Variants in WDR49 observed in about 807,000 individuals in gnomAD.
The protein encoded by WDR49 is WD repeat domain 49, also known as cilia- and flagella-associated protein 337.
WDR49 carries 107 observed loss-of-function variants against 119.5 expected under a neutral mutation model. The ratio of observed to expected loss-of-function variants is 0.90; its 90% CI spans 0.77 to 1.05. WDR49 has a LOEUF of 1.05. Among genes scored for constraint, WDR49 ranks in the 50% least tolerant of loss-of-function variants. The pLI is 0.00. For synonymous variants in WDR49, 425 were observed against 418.8 expected (o/e 1.01, Z -0.18); for missense variants, 1,240 against 1,220.5 (o/e 1.02, Z -0.24).
chr3:167,536,223 T>A (rs951068657), intron 11 of WDR49, among the ~76,000 whole-genome samples: 1 of 152,094 alleles, frequency 6.6e-6, no homozygotes, highest in African/African-American at 2.4e-5. Flanking sequence ...GAAAAAAGAT[T>A]TTTTAATGTT....
intron 5 of WDR49, among the ~76,000 whole-genome samples, chr3:167,611,969 C>T (rs578083993): frequency 1.3e-5 from 2 of 152,302 alleles, no homozygotes; most frequent in South Asian, 4.1e-4. Flanking sequence ...TTAATCTACA[C>T]TATGGACCAA....
At chr3:167,511,347 G>A (rs145115823) in intron 16 of WDR49, among the ~76,000 whole-genome samples, 159 of 152,172 alleles carry the variant, frequency 1.0e-3, no homozygotes, top group Admixed American at 1.8e-3. Context: ...TTTTTGATGC[G>A]TTATTTTTTC....
intron 10 of WDR49, among the ~76,000 whole-genome samples, chr3:167,546,000 C>T (rs1226052075): frequency 6.6e-6 from 1 of 151,698 alleles, no homozygotes; most frequent in Non-Finnish European, 1.5e-5. Flanking sequence ...CTCATAGTAA[C>T]TTTATGTGTA....
At chr3:167,531,075 C>G (rs1560271152) in intron 13 of WDR49, 40 bp downstream of exon 13, 1 of 1,579,118 alleles carries the variant, frequency 6.3e-7, no homozygotes, top group Non-Finnish European at 8.6e-7. Context: ...CTTTATTGCT[C>G]CCTTTCCAAC....
intron 15 of WDR49, among the ~76,000 whole-genome samples, chr3:167,526,555 C>G (rs1033154137): frequency 7.2e-5 from 11 of 152,120 alleles, no homozygotes; most frequent in African/African-American, 2.7e-4. Context: ...TCATCACAAG[C>G]CTGTATGAGT....
rs779617589 is a variant in WDR49, at chr3:167,500,243, G to C, written c.2941C>G (p.Pro981Ala). 17 of 1,606,574 alleles carry C rather than the reference G, an allele frequency of 1.1e-5. No individual in the cohort carries two copies. The highest frequency in any genetic ancestry group is 1.2e-5 in the Non-Finnish European group (14 of 1,177,828). ...ALEELPEVNK[P>A]AFLLDPEKYF... ...TTCTCAGGGTCTAGAAGGAAAGCAGGTTTATTCACTTCAGGCAGCTCTTCC... is the reference window on the plus strand; with the variant it reads ...TTCTCAGGGTCTAGAAGGAAAGCAGCTTTATTCACTTCAGGCAGCTCTTCC... The change falls in exon 18 of 19, where the codon CCT becomes GCT. Residue 981 changes from proline (P) to alanine (A), a missense_variant. Coordinates refer to ENST00000682715, the MANE Select transcript of WDR49 (RefSeq NM_001366157.1).
chr3:167,591,177 G>C (rs1190492710), intron 7 of WDR49, among the ~76,000 whole-genome samples: 1 of 151,956 alleles, frequency 6.6e-6, no homozygotes, highest in Non-Finnish European at 1.5e-5. Flanking sequence ...TGGTCATTCA[G>C]GAGAATATTG....
At chr3:167,550,180 C>T (rs1436632723) in intron 10 of WDR49, among the ~76,000 whole-genome samples, 2 of 152,088 alleles carry the variant, frequency 1.3e-5, no homozygotes, top group Admixed American at 6.6e-5. Context: ...AATGCAGGCT[C>T]TTTTTTGGTT....
intron 15 of WDR49, among the ~76,000 whole-genome samples, chr3:167,527,230 T>C (rs1752668520): frequency 6.6e-6 from 1 of 152,136 alleles, no homozygotes; most frequent in African/African-American, 2.4e-5. Flanking sequence ...TGCCTCTGTT[T>C]CCTTATCTGT....
At chr3:167,593,597 A>G (rs571375186) in intron 7 of WDR49, among the ~76,000 whole-genome samples, 1 of 151,844 alleles carries the variant, frequency 6.6e-6, no homozygotes, top group African/African-American at 2.4e-5. Flanking sequence ...TTTCTCCAGG[A>G]TGTGTTATTG....
intron 11 of WDR49, among the ~76,000 whole-genome samples, 156 bp downstream of exon 11, chr3:167,536,712 CAT>C (rs57802270): frequency 0.019 from 2,612 of 136,798 alleles, 64 homozygotes; most frequent in African/African-American, 0.057. Flanking sequence ...TATACACACA[CAT>C]ATATATATAT....
intron 14 of WDR49, among the ~76,000 whole-genome samples, chr3:167,528,796 C>T (rs1325607717): frequency 6.6e-6 from 1 of 151,968 alleles, no homozygotes; most frequent in Non-Finnish European, 1.5e-5. Flanking sequence ...TGCTGCAGTG[C>T]TTTACTAACA....
At chr3:167,504,823 C>T (rs9833107) in intron 17 of WDR49, among the ~76,000 whole-genome samples, 20,913 of 151,928 alleles carry the variant, frequency 0.14, 1,994 homozygotes, top group East Asian at 0.4. Context: ...GGATCCCTCA[C>T]GGCTTGGTGC....
chr3:167,564,617 G>A (rs528351380), intron 8 of WDR49, among the ~76,000 whole-genome samples: 20 of 152,308 alleles, frequency 1.3e-4, no homozygotes, highest in Admixed American at 9.1e-4. Context: ...ACGGGGCCCT[G>A]ACAGTCTGCA....
chr3:167,646,862 C>T (rs377093848), intron 2 of WDR49, among the ~76,000 whole-genome samples: 5 of 152,060 alleles, frequency 3.3e-5, no homozygotes, highest in African/African-American at 4.8e-5. Context: ...ATCCATAGAA[C>T]GTTGGTGAGA....
chr3:167,575,841 C>T, intron 8 of WDR49, 77 bp downstream of exon 8: 1 of 1,454,888 alleles, frequency 6.9e-7, no homozygotes, highest in Non-Finnish European at 9.4e-7. Context: ...TTCATTTTAC[C>T]TTAAACTGAA....
intron 8 of WDR49, among the ~76,000 whole-genome samples, chr3:167,572,056 G>A (rs1340463908): frequency 6.6e-6 from 1 of 152,134 alleles, no homozygotes; most frequent in Admixed American, 6.5e-5. Flanking sequence ...AAATTCATGA[G>A]TGTTCTTTTG....
chr3:167,567,396 C>CT (rs1289590968), intron 8 of WDR49, among the ~76,000 whole-genome samples: 3 of 152,182 alleles, frequency 2.0e-5, no homozygotes, highest in Non-Finnish European at 4.4e-5. Flanking sequence ...CCATTCCCAC[C>CT]TTTTTTGCCA....
rs59424091 is a variant in WDR49 at position 167,585,391 on chromosome 3, CGTGTGTGT to C, written c.1276-9248_1276-9241del. On this transcript the variant is annotated intron_variant, in intron 7 of 18. Transcript: ENST00000682715. ...TAACCTAAGAGGTCTTAAAAGGGTG[CGTGTGTGT>C]GTGTGTGTGTGTGTGTGTGTGTGTG... Among the ~76,000 whole-genome samples, 963 of 137,486 alleles carry C rather than the reference CGTGTGTGT, an allele frequency of 7.0e-3. 15 individuals carry two copies. Among genetic ancestry groups the C allele is most frequent in the East Asian group, 0.06 (280 of 4,638 alleles). 90.2% of individuals were successfully genotyped at this position (137,486 alleles called of 152,430 possible).
Sources: gnomAD v4.1 joint callset for allele counts (sites outside exome capture counted in the v4.1 genomes callset) on GRCh38, gnomAD v4.1.1 for gene constraint, MANE v1.5 for transcripts, NCBI Gene and HGNC (gene_info 2026-07-23, HGNC 2026-07-21) for gene names.